TENM3: variants seen among roughly 807,000 people sequenced by gnomAD.
The protein encoded by TENM3 is teneurin transmembrane protein 3.
TENM3 carries 63 observed loss-of-function variants against 255.1 expected under a neutral mutation model. The ratio of observed to expected loss-of-function variants is 0.25; its 90% CI spans 0.20 to 0.30. The LOEUF is 0.30. TENM3 is among the 10% of genes least tolerant of loss of function. The pLI is 1.00. For synonymous variants in TENM3, 1,306 were observed against 1,322.3 expected, an observed-to-expected ratio of 0.99 and a Z score of 0.27; for missense variants, 2,929 against 3,461.1, an observed-to-expected ratio of 0.85 and a Z score of 3.86.
At chr4:182,059,932 CAAAAG>C in the TENM3 span, among the ~76,000 whole-genome samples, 1 of 150,902 alleles carries the variant, frequency 6.6e-6, no homozygotes, top group African/African-American at 2.4e-5. Flanking sequence ...GGTCCTGTCT[CAAAAG>C]AAAAAAAAAT....
At chr4:182,384,223 A>G (rs1431286437) in intron 3 of TENM3, among the ~76,000 whole-genome samples, 1 of 152,210 alleles carries the variant, frequency 6.6e-6, no homozygotes, top group Non-Finnish European at 1.5e-5. Context: ...CATTTTATTC[A>G]GAGCCAAAAT....
the TENM3 span, among the ~76,000 whole-genome samples, chr4:182,069,310 T>C: frequency 1.3e-5 from 2 of 152,224 alleles, no homozygotes; most frequent in East Asian, 3.9e-4. Context: ...GTACAGTATT[T>C]TGATGTTATA....
chr4:182,596,316 G>T (rs1040628110), intron 3 of TENM3, among the ~76,000 whole-genome samples: 2 of 152,176 alleles, frequency 1.3e-5, no homozygotes, highest in Admixed American at 6.5e-5. Context: ...TTTATTGAGT[G>T]TCTGCCCTTG....
chr4:181,703,002 C>T, the TENM3 span, among the ~76,000 whole-genome samples: 11 of 152,048 alleles, frequency 7.2e-5, no homozygotes, highest in African/African-American at 2.7e-4. Flanking sequence ...ATCCTTGCAA[C>T]AATAGATAAG....
chr4:182,066,873 T>A, the TENM3 span, among the ~76,000 whole-genome samples: 9 of 152,284 alleles, frequency 5.9e-5, no homozygotes, highest in South Asian at 4.1e-4. Flanking sequence ...ATCGCACCGC[T>A]GCACTCCAGC....
At chr4:181,702,015 C>T in the TENM3 span, among the ~76,000 whole-genome samples, 2 of 152,156 alleles carry the variant, frequency 1.3e-5, no homozygotes, top group African/African-American at 2.4e-5. Flanking sequence ...GTGCCATCCA[C>T]CCACCCCAGC....
chr4:181,453,546 T>C, the TENM3 span, among the ~76,000 whole-genome samples: 1 of 141,768 alleles, frequency 7.1e-6, no homozygotes, highest in Admixed American at 7.8e-5. Flanking sequence ...CGAAGAGTCA[T>C]GTAAAAGTTG....
At chr4:181,827,262 T>C in the TENM3 span, among the ~76,000 whole-genome samples, 2 of 152,214 alleles carry the variant, frequency 1.3e-5, no homozygotes, top group East Asian at 1.9e-4. Context: ...AAGATCCGTA[T>C]TGGTGATTCG....
chr4:181,961,015 G>T, the TENM3 span, among the ~76,000 whole-genome samples: 1 of 152,130 alleles, frequency 6.6e-6, no homozygotes, highest in East Asian at 1.9e-4. Flanking sequence ...TAGCCCAGGG[G>T]TGCAAAGGGC....
chr4:181,668,029 A>G, the TENM3 span, among the ~76,000 whole-genome samples: 1 of 152,240 alleles, frequency 6.6e-6, no homozygotes, highest in Non-Finnish European at 1.5e-5. Context: ...GCGCTAGAAC[A>G]TAAGCACCAT....
chr4:182,474,095 G>A (rs1056630154), intron 3 of TENM3, among the ~76,000 whole-genome samples: 1 of 152,128 alleles, frequency 6.6e-6, no homozygotes, highest in African/African-American at 2.4e-5. Flanking sequence ...TAAGTTTCTA[G>A]GTAGATGAGA....
the TENM3 span, among the ~76,000 whole-genome samples, chr4:181,628,877 C>T: frequency 1.3e-5 from 2 of 152,074 alleles, no homozygotes; most frequent in African/African-American, 4.8e-5. Flanking sequence ...TGAAGAAAGT[C>T]TTTGGTAGCT....
intron 19 of TENM3, 113 bp from the exon 20 acceptor site, chr4:182,751,687 C>A (rs1188995140): frequency 2.7e-6 from 2 of 740,050 alleles, no homozygotes; most frequent in African/African-American, 3.5e-5. Flanking sequence ...AATCTTTGAT[C>A]ATGGATTCCA....
chr4:181,851,914 C>T, the TENM3 span, among the ~76,000 whole-genome samples: 1 of 152,020 alleles, frequency 6.6e-6, no homozygotes, highest in South Asian at 2.1e-4. Flanking sequence ...CTTCTACATG[C>T]CCAAAGAAAG....
At chr4:181,737,900 T>C in the TENM3 span, among the ~76,000 whole-genome samples, 1 of 150,628 alleles carries the variant, frequency 6.6e-6, no homozygotes, top group African/African-American at 2.4e-5. Flanking sequence ...GCACACGAGA[T>C]TGGTGTAACC....
At chr4:182,770,461 C>T (rs1190168107) in intron 22 of TENM3, among the ~76,000 whole-genome samples, 1 of 152,162 alleles carries the variant, frequency 6.6e-6, no homozygotes, top group Non-Finnish European at 1.5e-5. Context: ...CCTCCGCAGC[C>T]CTCCCAGCCC....
intron 3 of TENM3, among the ~76,000 whole-genome samples, chr4:182,534,061 A>G (rs1740039139): frequency 6.6e-6 from 1 of 152,204 alleles, no homozygotes; most frequent in Admixed American, 6.5e-5. Flanking sequence ...GATTCAGTAG[A>G]TGCTTGCTTA....
intron 12 of TENM3, among the ~76,000 whole-genome samples, chr4:182,712,645 G>A (rs943072726): frequency 1.3e-5 from 2 of 152,156 alleles, no homozygotes; most frequent in Non-Finnish European, 2.9e-5. Context: ...TTAAGAGACA[G>A]AATGTCTCTT....
At chr4:182,624,981 A>C (rs1484677812) in intron 4 of TENM3, among the ~76,000 whole-genome samples, 1 of 152,202 alleles carries the variant, frequency 6.6e-6, no homozygotes, top group East Asian at 1.9e-4. Context: ...TCAAGTAGTA[A>C]CGTCTGAGCT....
Sources: allele counts gnomAD v4.1 joint callset (sites outside exome capture counted in the v4.1 genomes callset), GRCh38; gene constraint gnomAD v4.1.1; transcripts MANE v1.5; gene names NCBI Gene and HGNC (gene_info 2026-07-23, HGNC 2026-07-21).